KIAA1217: variants seen among roughly 807,000 people sequenced by gnomAD.
The protein encoded by KIAA1217 is KIAA1217, also known as sickle tail protein homolog.
Under a neutral mutation model 163.9 loss-of-function variants are expected in KIAA1217, and 88 were observed. The observed-to-expected ratio is 0.54, with a 90% CI of 0.45 to 0.64. The LOEUF is 0.64. Among genes scored for constraint, KIAA1217 ranks in the 30% least tolerant of loss-of-function variants. The pLI is 0.00. For synonymous variants in KIAA1217, 903 were observed against 923.1 expected, an observed-to-expected ratio of 0.98 and a Z score of 0.39; for missense variants, 2,372 against 2,475.0, an observed-to-expected ratio of 0.96 and a Z score of 0.88.
chr10:24,295,646 C>T (rs755862420), intron 2 of KIAA1217, among the ~76,000 whole-genome samples: 2 of 152,208 alleles, frequency 1.3e-5, no homozygotes. Context: ...ATTTTATCCA[C>T]ACCTCCAACA....
At chr10:23,854,858 A>G (rs1459601049) in intron 1 of KIAA1217, among the ~76,000 whole-genome samples, 1 of 151,462 alleles carries the variant, frequency 6.6e-6, no homozygotes, top group African/African-American at 2.4e-5. Context: ...TTTGTTTTCC[A>G]TTTGCTTGGT....
intron 2 of KIAA1217, among the ~76,000 whole-genome samples, chr10:24,283,457 A>G (rs941180718): frequency 1.3e-5 from 2 of 152,172 alleles, no homozygotes; most frequent in Non-Finnish European, 2.9e-5. Flanking sequence ...ACTTGAGGTC[A>G]GGAGTTCAGG....
At chr10:23,893,621 G>T (rs1030998145) in intron 1 of KIAA1217, among the ~76,000 whole-genome samples, 1 of 151,916 alleles carries the variant, frequency 6.6e-6, no homozygotes, top group Non-Finnish European at 1.5e-5. Flanking sequence ...TTTCTCTTGT[G>T]GGCATTGAGT....
At chr10:23,724,923 A>G (rs924362108) in intron 1 of KIAA1217, among the ~76,000 whole-genome samples, 1 of 152,166 alleles carries the variant, frequency 6.6e-6, no homozygotes, top group Non-Finnish European at 1.5e-5. Flanking sequence ...TATCTGGTCC[A>G]TGACTCTGGC....
rs547854778 is a variant in KIAA1217 at position 23,908,986 on chromosome 10, G to T, written c.-320-98239G>T. 9.2e-5 allele frequency among the ~76,000 whole-genome samples: 14 copies of T among 152,192 alleles called. No individual in the cohort carries two copies. The East Asian group carries it at 2.3e-3, about 25-fold the overall frequency. On this transcript the variant is annotated intron_variant, in intron 1 of 18. Coordinates refer to the KIAA1217 transcript ENST00000376462. Reference sequence around the variant, plus strand: ...GCCCATCAATCAACGAGTGGATAAAGAAACATATATATAGAAAGAGGAATA... The same window carrying T: ...GCCCATCAATCAACGAGTGGATAAATAAACATATATATAGAAAGAGGAATA...
intron 2 of KIAA1217, among the ~76,000 whole-genome samples, chr10:24,304,129 A>C (rs1178010768): frequency 7.3e-6 from 1 of 136,928 alleles, no homozygotes; most frequent in Non-Finnish European, 1.6e-5. Context: ...AATCCTCCAC[A>C]TTTTTTTTTT....
chr10:23,706,961 G>T (rs78658917), intron 1 of KIAA1217, among the ~76,000 whole-genome samples: 2,476 of 152,126 alleles, frequency 0.016, 55 homozygotes, highest in African/African-American at 0.056. Flanking sequence ...CTGTTATTGG[G>T]TATATCCTAT....
intron 1 of KIAA1217, among the ~76,000 whole-genome samples, chr10:23,904,993 G>A (rs771998664): frequency 6.7e-5 from 10 of 148,986 alleles, no homozygotes; most frequent in Admixed American, 1.3e-4. Context: ...TGATGGAGTC[G>A]ATTGCTGAGA....
chr10:23,870,497 GA>G (rs1238763693), intron 1 of KIAA1217, among the ~76,000 whole-genome samples: 1 of 152,022 alleles, frequency 6.6e-6, no homozygotes, highest in Non-Finnish European at 1.5e-5. Context: ...CCAGGAAATT[GA>G]CAAGGCAACA....
intron 2 of KIAA1217, among the ~76,000 whole-genome samples, chr10:24,203,689 G>A (rs2067393873): frequency 6.6e-6 from 1 of 152,184 alleles, no homozygotes; most frequent in Non-Finnish European, 1.5e-5. Flanking sequence ...GAGGCACTGT[G>A]GGTAAAGCAA....
At chr10:23,918,814 T>C (rs2131286288) in intron 1 of KIAA1217, among the ~76,000 whole-genome samples, 1 of 151,004 alleles carries the variant, frequency 6.6e-6, no homozygotes, top group East Asian at 1.9e-4. Flanking sequence ...CCCCAGTAAA[T>C]CATCCAGAGA....
intron 2 of KIAA1217, among the ~76,000 whole-genome samples, chr10:24,307,833 A>T (rs1160499769): frequency 1.3e-5 from 2 of 152,180 alleles, no homozygotes; most frequent in Admixed American, 1.3e-4. Context: ...ATCTCCACCC[A>T]GCATGCTAGA....
chr10:23,797,433 A>G (rs931410525), intron 1 of KIAA1217, among the ~76,000 whole-genome samples: 2 of 152,314 alleles, frequency 1.3e-5, no homozygotes, highest in East Asian at 1.9e-4. Context: ...TCAAAGTACA[A>G]TTGACTCCAA....
chr10:23,762,036 C>T (rs1011311897), intron 1 of KIAA1217, among the ~76,000 whole-genome samples: 22 of 152,120 alleles, frequency 1.4e-4, no homozygotes, highest in African/African-American at 5.3e-4. Flanking sequence ...CACATACACA[C>T]TCCCAAGACT....
chr10:24,314,539 G>T (rs144855696), intron 2 of KIAA1217, among the ~76,000 whole-genome samples: 1 of 152,174 alleles, frequency 6.6e-6, no homozygotes, highest in African/African-American at 2.4e-5. Flanking sequence ...AGGCAGGGGA[G>T]CCTGTGATTT....
At chr10:23,852,373 T>C (rs983184676) in intron 1 of KIAA1217, among the ~76,000 whole-genome samples, 71 of 152,206 alleles carry the variant, frequency 4.7e-4, no homozygotes, top group African/African-American at 1.6e-3. Flanking sequence ...CATTGATCTA[T>C]ATCTCTGTTT....
Position 24,258,893 on chromosome 10 carries a change from G to A in KIAA1217, c.354+38984G>A, listed in dbSNP as rs181262280. Among the ~76,000 whole-genome samples the A allele has an allele frequency of 4.9e-3, 743 of 152,168 alleles. 9 individuals carry two copies. The highest frequency in any genetic ancestry group is 0.025 in the Admixed American group (384 of 15,280). ...CAGGCGTGAGCCACCGCGCCCGGCC[G>A]GCTTACATCTTAATGAGCCCACAGC... On this transcript the variant is annotated intron_variant, in intron 2 of 20. Transcript: ENST00000376454.
intron 1 of KIAA1217, among the ~76,000 whole-genome samples, chr10:23,782,131 T>C (rs927522586): frequency 5.9e-5 from 9 of 152,292 alleles, no homozygotes; most frequent in African/African-American, 1.9e-4. Flanking sequence ...AGTGATTGCA[T>C]TGTGTCTGTA....
At chr10:24,239,561 G>A (rs11813207) in intron 2 of KIAA1217, among the ~76,000 whole-genome samples, 7,489 of 147,256 alleles carry the variant, frequency 0.051, 272 homozygotes, top group Middle Eastern at 0.14. Context: ...GCGATGCATT[G>A]TGCGTTCTGC....
Sources: allele counts gnomAD v4.1 joint callset (sites outside exome capture counted in the v4.1 genomes callset), GRCh38; gene constraint gnomAD v4.1.1; transcripts MANE v1.5; gene names NCBI Gene and HGNC (gene_info 2026-07-23, HGNC 2026-07-21).